Variants in ST18 observed in about 807,000 individuals in gnomAD.
The protein encoded by ST18 is suppression of tumorigenicity 18 protein.
ST18 carries 50 observed loss-of-function variants against 110.0 expected under a neutral mutation model. That is an observed-to-expected ratio of 0.45 (90% CI 0.36 to 0.58). The LOEUF is 0.58. Ranked by LOEUF, ST18 falls within the 20% of genes least tolerant of loss-of-function variation. ST18 has a pLI of 0.00. For synonymous variants in ST18, 461 were observed against 452.4 expected, an observed-to-expected ratio of 1.02 and a Z score of -0.24; for missense variants, 1,306 against 1,280.1, an observed-to-expected ratio of 1.02 and a Z score of -0.31.
At chr8:52,253,815 G>C (rs776699109) in intron 2 of ST18, among the ~76,000 whole-genome samples, 1 of 152,052 alleles carries the variant, frequency 6.6e-6, no homozygotes, top group South Asian at 2.1e-4. Flanking sequence ...ATATCAAATA[G>C]TCTCTCTTGC....
rs1020191634 is a variant in ST18 at position 52,113,025 on chromosome 8, T to C, written c.*173A>G. 3 of 571,012 alleles carry C rather than the reference T, an allele frequency of 5.3e-6. No individual in the cohort carries two copies. The highest frequency in any genetic ancestry group is 3.8e-5 in the African/African-American group (2 of 52,218). 35.4% of individuals were successfully genotyped at this position (571,012 alleles called of 1,614,324 possible). ...CATTGCTTTTAATCCAAGAAGTCTATCATAGTTTTTCTTTCCTTTTTATAT... is the reference window on the plus strand; with the variant it reads ...CATTGCTTTTAATCCAAGAAGTCTACCATAGTTTTTCTTTCCTTTTTATAT... On this transcript the variant is annotated 3_prime_UTR_variant, in exon 26 of 26. Coordinates refer to ENST00000689386, the MANE Select transcript of ST18 (RefSeq NM_001352837.2).
Position 52,273,602 on chromosome 8 carries a change from G to A in ST18, c.-464-43525C>T, listed in dbSNP as rs1355624150. Among the ~76,000 whole-genome samples the A allele has an allele frequency of 2.0e-5, 3 of 152,144 alleles. No homozygotes were observed. In the East Asian group the frequency reaches 5.8e-4, roughly 29 times the overall value. On this transcript the variant is annotated intron_variant, in intron 2 of 25. Transcript: ENST00000689386. ...AGTATACAAGGATCTGTCAACAGAA[G>A]GCTTTTATTTCTTTTACAACAAGAG...
intron 2 of ST18, among the ~76,000 whole-genome samples, chr8:52,374,692 C>T (rs1175892590): frequency 3.3e-5 from 5 of 151,962 alleles, no homozygotes; most frequent in Non-Finnish European, 5.9e-5. Context: ...TCCCCCATAC[C>T]CCCCTGACAG....
intron 2 of ST18, among the ~76,000 whole-genome samples, chr8:52,349,365 G>A (rs562405626): frequency 9.9e-5 from 15 of 152,166 alleles, no homozygotes; most frequent in African/African-American, 3.1e-4. Flanking sequence ...TGTATTTTAA[G>A]TTTTTGTTTC....
intron 2 of ST18, among the ~76,000 whole-genome samples, chr8:52,302,384 A>G (rs747864269): frequency 6.6e-6 from 1 of 152,224 alleles, no homozygotes; most frequent in Non-Finnish European, 1.5e-5. Flanking sequence ...TGTAGAAATA[A>G]ATATAGATTT....
chr8:52,228,017 T>C (rs2090070997), intron 3 of ST18, among the ~76,000 whole-genome samples: 1 of 152,226 alleles, frequency 6.6e-6, no homozygotes, highest in Non-Finnish European at 1.5e-5. Context: ...TAATTGTTAA[T>C]TGGATTTCAA....
At chr8:52,371,236 A>C (rs1830170556) in intron 2 of ST18, among the ~76,000 whole-genome samples, 1 of 152,244 alleles carries the variant, frequency 6.6e-6, no homozygotes, top group South Asian at 2.1e-4. Flanking sequence ...ACAAAGGCGA[A>C]TAATGTAACA....
intron 25 of ST18, among the ~76,000 whole-genome samples, chr8:52,115,687 A>G (rs1389443391): frequency 6.6e-6 from 1 of 152,214 alleles, no homozygotes; most frequent in Non-Finnish European, 1.5e-5. Flanking sequence ...TTGCCTAAGG[A>G]CACATTTCTT....
chr8:52,245,820 T>C (rs1032635555), intron 2 of ST18, among the ~76,000 whole-genome samples: 2 of 152,304 alleles, frequency 1.3e-5, no homozygotes, highest in South Asian at 2.1e-4. Context: ...AATGCTCTTA[T>C]AGTGTTGTAG....
At chr8:52,141,015 T>C (rs1415856360) in intron 17 of ST18, among the ~76,000 whole-genome samples, 2 of 152,126 alleles carry the variant, frequency 1.3e-5, no homozygotes, top group Non-Finnish European at 1.5e-5. Flanking sequence ...ACTTCTAAGG[T>C]CTCAAGTCAC....
intron 16 of ST18, among the ~76,000 whole-genome samples, chr8:52,147,475 A>T (rs2057638457): frequency 6.6e-6 from 1 of 152,024 alleles, no homozygotes; most frequent in Admixed American, 6.6e-5. Flanking sequence ...AACGCAAGAC[A>T]CCCTAGATGA....
intron 22 of ST18, among the ~76,000 whole-genome samples, chr8:52,130,119 A>AAAAAGAAAGAAAG (rs1491142833): frequency 9.5e-6 from 1 of 105,242 alleles, no homozygotes; most frequent in African/African-American, 4.1e-5. Flanking sequence ...AGAAAGAAAG[A>AAAAAGAAAGAAAG]AAAGAAAGAA....
intron 17 of ST18, among the ~76,000 whole-genome samples, chr8:52,140,562 TA>T (rs1435667300): frequency 6.7e-6 from 1 of 150,000 alleles, no homozygotes; most frequent in East Asian, 2.0e-4. Flanking sequence ...GATAGATAGA[TA>T]GATAGATAGA....
rs1022284206 is a variant in ST18, at chr8:52,388,775, T to C, written c.-465+20553A>G. Among the ~76,000 whole-genome samples, 80 of 116,086 alleles carry C rather than the reference T, an allele frequency of 6.9e-4. 1 individual carries two copies. Among genetic ancestry groups the C allele is most frequent in the African/African-American group, 2.6e-3 (74 of 28,986 alleles). 76.2% of individuals were successfully genotyped at this position (116,086 alleles called of 152,430 possible). On this transcript the variant is annotated intron_variant, in intron 2 of 25. Coordinates refer to ENST00000689386, the MANE Select transcript of ST18 (RefSeq NM_001352837.2). ...TGGAGGATAAAGAACAAGCAACACA[T>C]GGACACAGGAAGGGGAACATCACAC...
chr8:52,172,656 T>G, intron 9 of ST18, 73 bp from the exon 10 acceptor site: 6 of 1,256,108 alleles, frequency 4.8e-6, no homozygotes, highest in Admixed American at 2.8e-5. Context: ...ACAAGTTATA[T>G]GTATATAAAC....
chr8:52,169,166 G>T (rs966909237), intron 10 of ST18, among the ~76,000 whole-genome samples: 1 of 152,164 alleles, frequency 6.6e-6, no homozygotes, highest in African/African-American at 2.4e-5. Flanking sequence ...AAACAAAGAT[G>T]CAGGGAAATG....
intron 2 of ST18, among the ~76,000 whole-genome samples, chr8:52,353,090 G>A (rs1184701081): frequency 6.6e-6 from 1 of 152,050 alleles, no homozygotes; most frequent in African/African-American, 2.4e-5. Flanking sequence ...AGCATCAAGG[G>A]GTTTGTCGTA....
chr8:52,205,598 TC>T (rs2079696949), intron 8 of ST18, among the ~76,000 whole-genome samples: 1 of 152,182 alleles, frequency 6.6e-6, no homozygotes, highest in South Asian at 2.1e-4. Flanking sequence ...GGAGTCTCAC[TC>T]TGTTGCCCAG....
chr8:52,398,205 T>G (rs924191281), intron 2 of ST18, among the ~76,000 whole-genome samples: 2 of 152,182 alleles, frequency 1.3e-5, no homozygotes, highest in Non-Finnish European at 2.9e-5. Flanking sequence ...ATCATTTTCT[T>G]GATTTTCTTC....
Sources: gnomAD v4.1 joint callset for allele counts (sites outside exome capture counted in the v4.1 genomes callset) on GRCh38, gnomAD v4.1.1 for gene constraint, MANE v1.5 for transcripts, NCBI Gene and HGNC (gene_info 2026-07-23, HGNC 2026-07-21) for gene names.